Variants in PTH2R observed in about 807,000 individuals in gnomAD.
PTH2R encodes PTH2 receptor.
PTH2R carries 59 observed loss-of-function variants against 60.3 expected under a neutral mutation model. That is an observed-to-expected ratio of 0.98 (90% CI 0.79 to 1.22). The LOEUF (loss-of-function observed/expected upper bound fraction) is 1.22. Among genes scored for constraint, PTH2R ranks in the 50% most tolerant of loss-of-function variants. PTH2R has a pLI of 0.00. For synonymous variants in PTH2R, 256 were observed against 243.8 expected (o/e 1.05, Z -0.47); for missense variants, 749 against 682.6 (o/e 1.10, Z -1.08).
upstream of PTH2R, among the ~76,000 whole-genome samples, chr2:208,404,779 G>A (rs1054123706): frequency 5.3e-5 from 8 of 151,994 alleles, no homozygotes; most frequent in Non-Finnish European, 1.2e-4. Flanking sequence ...GTGTTTGAAT[G>A]GCCAGACTTC....
chr2:208,443,691 A>G (rs1702233414), intron 6 of PTH2R, among the ~76,000 whole-genome samples, 154 bp downstream of exon 6: 1 of 152,138 alleles, frequency 6.6e-6, no homozygotes, highest in African/African-American at 2.4e-5. Flanking sequence ...TTTCTCCCTC[A>G]ATTCTGTCCT....
intron 9 of PTH2R, among the ~76,000 whole-genome samples, chr2:208,470,430 G>A (rs1329373470): frequency 1.3e-5 from 2 of 151,378 alleles, no homozygotes; most frequent in Admixed American, 6.6e-5. Context: ...ACATGTTGTG[G>A]GAGAGATCTG....
intron 4 of PTH2R, among the ~76,000 whole-genome samples, chr2:208,441,679 T>C (rs962836106): frequency 1.3e-5 from 2 of 152,124 alleles, no homozygotes; most frequent in Non-Finnish European, 2.9e-5. Flanking sequence ...GAGGAGGAGG[T>C]GTCACCGTAA....
chr2:208,431,257 CG>C (rs1459367306), intron 2 of PTH2R, among the ~76,000 whole-genome samples: 2 of 152,128 alleles, frequency 1.3e-5, no homozygotes, highest in Non-Finnish European at 2.9e-5. Context: ...CTGAAGTCTT[CG>C]TATTCAATTT....
intron 1 of PTH2R, among the ~76,000 whole-genome samples, chr2:208,400,029 A>G (rs1037604428): frequency 3.9e-5 from 6 of 152,288 alleles, no homozygotes; most frequent in Admixed American, 3.9e-4. Context: ...CCCTATGGAA[A>G]GTAAAACTGT....
intron 1 of PTH2R, among the ~76,000 whole-genome samples, chr2:208,413,022 C>T (rs1054920554): frequency 2.6e-5 from 4 of 152,078 alleles, no homozygotes; most frequent in Non-Finnish European, 5.9e-5. Flanking sequence ...TGTCCCATCT[C>T]CTCTCAATCC....
intron 1 of PTH2R, among the ~76,000 whole-genome samples, chr2:208,389,816 G>A (rs964950238): frequency 2.0e-5 from 3 of 152,050 alleles, no homozygotes; most frequent in African/African-American, 7.2e-5. Flanking sequence ...CGGGGGTGGG[G>A]GGGTTGTTTG....
intron 1 of PTH2R, among the ~76,000 whole-genome samples, chr2:208,394,335 A>G (rs1413521246): frequency 6.6e-6 from 1 of 152,240 alleles, no homozygotes; most frequent in Non-Finnish European, 1.5e-5. Flanking sequence ...GTTGAAGACA[A>G]TCTGTTACTC....
upstream of PTH2R, among the ~76,000 whole-genome samples, chr2:208,403,192 G>C (rs1454503807): frequency 6.6e-6 from 1 of 152,192 alleles, no homozygotes; most frequent in Non-Finnish European, 1.5e-5. Context: ...TTTAATCCAT[G>C]ATATTGGCTA....
At chr2:208,360,026 GT>G in exon 1 of PTH2R, 2 of 336,958 alleles carry the variant, frequency 5.9e-6, no homozygotes, top group Admixed American at 3.6e-5. Context: ...CCACCCACAG[GT>G]TTTTTGGGTC....
intron 2 of PTH2R, among the ~76,000 whole-genome samples, chr2:208,435,704 CAG>C (rs1702061664): frequency 6.6e-6 from 1 of 152,200 alleles, no homozygotes; most frequent in African/African-American, 2.4e-5. Flanking sequence ...AACAAGGAGA[CAG>C]ATCCTCCCTC....
chr2:208,387,764 G>T (rs1201039750), intron 1 of PTH2R, among the ~76,000 whole-genome samples: 1 of 152,190 alleles, frequency 6.6e-6, no homozygotes, highest in Non-Finnish European at 1.5e-5. Context: ...TCTTTGAAGT[G>T]CAGAGACCTG....
At chr2:208,477,952 GCACTACTACTAGTACTAGTAC>G (rs1703051865) in intron 9 of PTH2R, among the ~76,000 whole-genome samples, 1 of 27,732 alleles carries the variant, frequency 3.6e-5, no homozygotes, top group Non-Finnish European at 1.5e-4. Flanking sequence ...AGTAGTACTA[GCACTACTACTAGTACTAGTAC>G]TACTAGCACT....
chr2:208,413,088 A>G lies in PTH2R; in HGVS notation c.75+5970A>G, dbSNP rs1255851798. On this transcript the variant is annotated intron_variant, in intron 1 of 12. Transcript: ENST00000272847. ...CTTTCTCCATAATTTATTTGCTCATATAAAATATAAACACAGATGTAGTTA... is the reference window on the plus strand; with the variant it reads ...CTTTCTCCATAATTTATTTGCTCATGTAAAATATAAACACAGATGTAGTTA... Among the ~76,000 whole-genome samples, 6 of 152,192 alleles carry G rather than the reference A, an allele frequency of 3.9e-5. No individual in the cohort carries two copies. In the East Asian group the frequency reaches 1.2e-3, roughly 29 times the overall value.
At chr2:208,369,306 C>T (rs1700649025) in intron 1 of PTH2R, among the ~76,000 whole-genome samples, 1 of 151,564 alleles carries the variant, frequency 6.6e-6, no homozygotes, top group Admixed American at 6.6e-5. Context: ...CACAGAATTC[C>T]AACTTGGTTG....
chr2:208,416,625 A>C (rs1425760747), intron 1 of PTH2R, among the ~76,000 whole-genome samples: 2 of 152,234 alleles, frequency 1.3e-5, no homozygotes, highest in African/African-American at 4.8e-5. Context: ...GGATTGAAGT[A>C]TACAAAGTAT....
chr2:208,367,905 C>G (rs140880794), intron 1 of PTH2R, among the ~76,000 whole-genome samples: 12 of 152,278 alleles, frequency 7.9e-5, no homozygotes, highest in African/African-American at 2.9e-4. Context: ...ATAAATCTTC[C>G]AGGTCCAAAT....
intron 2 of PTH2R, among the ~76,000 whole-genome samples, chr2:208,429,134 A>G (rs1265319539): frequency 6.6e-6 from 1 of 151,426 alleles, no homozygotes; most frequent in African/African-American, 2.4e-5. Context: ...TAGTTTTGTC[A>G]ATTTTGATAA....
At chr2:208,402,172 G>A (rs7583022), upstream of PTH2R, among the ~76,000 whole-genome samples, 111,706 of 152,010 alleles carry the variant, frequency 0.73, 44,904 homozygotes, top group East Asian at 0.94. Context: ...GTGTGCTTTT[G>A]CCATTCAAAA....
Sources: gnomAD v4.1 joint callset for allele counts (sites outside exome capture counted in the v4.1 genomes callset) on GRCh38, gnomAD v4.1.1 for gene constraint, MANE v1.5 for transcripts, NCBI Gene and HGNC (gene_info 2026-07-23, HGNC 2026-07-21) for gene names.